KIF26B: variants seen among roughly 807,000 people sequenced by gnomAD.
KIF26B encodes kinesin family member 26B, also known as kinesin-like protein KIF26B.
Under a neutral mutation model 151.2 loss-of-function variants are expected in KIF26B, and 63 were observed. The ratio of observed to expected loss-of-function variants is 0.42; its 90% CI spans 0.34 to 0.51. KIF26B has a LOEUF of 0.51. Among genes scored for constraint, KIF26B ranks in the 20% least tolerant of loss-of-function variants. KIF26B has a pLI of 0.07. For synonymous variants in KIF26B, 1,357 were observed against 1,262.1 expected (o/e 1.08, Z -1.59); for missense variants, 2,813 against 2,913.6 (o/e 0.97, Z 0.79).
intron 4 of KIF26B, among the ~76,000 whole-genome samples, chr1:245,426,617 T>A (rs147058994): frequency 2.0e-5 from 3 of 152,330 alleles, no homozygotes; most frequent in African/African-American, 7.2e-5. Context: ...GTATGACTGA[T>A]TTGACCAGTA....
At chr1:245,284,615 T>C (rs957696155) in intron 2 of KIF26B, among the ~76,000 whole-genome samples, 19 of 152,346 alleles carry the variant, frequency 1.2e-4, no homozygotes, top group Non-Finnish European at 2.4e-4. Context: ...CTAGTTTTTG[T>C]AGAGTTCTCT....
chr1:245,658,194 C>T (rs1462929913), intron 10 of KIF26B, among the ~76,000 whole-genome samples: 1 of 152,186 alleles, frequency 6.6e-6, no homozygotes, highest in Admixed American at 6.5e-5. Context: ...TGAGATCCAT[C>T]TTGATGCGCA....
chr1:245,443,284 A>C (rs1572063842), intron 4 of KIF26B, among the ~76,000 whole-genome samples: 2 of 113,836 alleles, frequency 1.8e-5, no homozygotes, highest in African/African-American at 3.5e-5. Context: ...CTCACTGTTC[A>C]CCCTGCGGTC....
chr1:245,613,724 C>A lies in KIF26B; in HGVS notation c.2098+1748C>A, dbSNP rs1028733566. Among the ~76,000 whole-genome samples, 3 of 152,232 alleles carry A rather than the reference C, an allele frequency of 2.0e-5. No homozygotes were observed. In the South Asian group the frequency reaches 6.2e-4, roughly 31 times the overall value. On this transcript the variant is annotated intron_variant, in intron 9 of 14. Coordinates refer to ENST00000407071, the MANE Select transcript of KIF26B (RefSeq NM_018012.4). Reference sequence around the variant, plus strand: ...TCCTGGGGAGAGAGCTCTTTGCGGGCTTCTGCTGTCCCCAGGCAAAAGCGC... The same window carrying A: ...TCCTGGGGAGAGAGCTCTTTGCGGGATTCTGCTGTCCCCAGGCAAAAGCGC...
At chr1:245,515,365 C>T (rs1660937763) in intron 4 of KIF26B, among the ~76,000 whole-genome samples, 1 of 152,176 alleles carries the variant, frequency 6.6e-6, no homozygotes, top group Non-Finnish European at 1.5e-5. Flanking sequence ...GCCTTTCCCA[C>T]TCGACTGTCA....
intron 2 of KIF26B, among the ~76,000 whole-genome samples, chr1:245,359,398 A>G (rs1256949284): frequency 6.6e-6 from 1 of 152,168 alleles, no homozygotes; most frequent in Non-Finnish European, 1.5e-5. Flanking sequence ...TGGGTCTGTG[A>G]TTCAAATCGA....
intron 9 of KIF26B, among the ~76,000 whole-genome samples, chr1:245,613,468 T>G (rs542357671): frequency 4.4e-4 from 67 of 152,264 alleles, no homozygotes; most frequent in African/African-American, 1.6e-3. Context: ...CTGGGCGTGG[T>G]GGCACACACC....
chr1:245,619,070 A>G (rs535602024), intron 9 of KIF26B, among the ~76,000 whole-genome samples: 163 of 138,060 alleles, frequency 1.2e-3, no homozygotes, highest in Middle Eastern at 5.3e-3. Flanking sequence ...TCCAAGCCCT[A>G]TTAGACTATA....
Position 245,527,524 on chromosome 1 carries a change from C to CTTT in KIF26B, c.1167-13218_1167-13216dup, listed in dbSNP as rs548422038. 8.1e-4 allele frequency among the ~76,000 whole-genome samples: 41 copies of CTTT among 50,710 alleles called. 7 individuals carry two copies. Among genetic ancestry groups the CTTT allele is most frequent in the Admixed American group, 2.1e-3 (7 of 3,268 alleles). The allele number at this position is 50,710 out of a possible 152,430, so 33.3% of individuals were successfully genotyped here. The stretch of plus-strand genomic sequence containing the variant: ...TCATTTATATCTGGCTTTGGGATGG[C>CTTT]TTTTTTTTTTTTTTTTTTTTTTTTT... On this transcript the variant is annotated intron_variant, in intron 4 of 14. Coordinates refer to ENST00000407071, the MANE Select transcript of KIF26B (RefSeq NM_018012.4).
Position 245,602,538 on chromosome 1 carries a change from C to T in KIF26B, c.1351-39C>T. On this transcript the variant is annotated intron_variant, in intron 5 of 14. Transcript: ENST00000407071. This position sits in a 1 kb window ranked among gnomAD's most constrained non-coding sequence, Gnocchi z 4.5. Reference sequence around the variant, plus strand: ...GGGTGCTCCATCGTAAAACACCCAGCTGTCTTCATCCATGCTGTCGCCCAT... The same window carrying T: ...GGGTGCTCCATCGTAAAACACCCAGTTGTCTTCATCCATGCTGTCGCCCAT... 1 of 1,533,566 alleles carries T rather than the reference C, an allele frequency of 6.5e-7. No homozygotes were observed. Among genetic ancestry groups the T allele is most frequent in the South Asian group, 1.2e-5 (1 of 85,580 alleles). The allele number at this position is 1,533,566 out of a possible 1,614,324, so 95.0% of individuals were successfully genotyped here.
chr1:245,482,210 G>A (rs779397985), intron 4 of KIF26B, among the ~76,000 whole-genome samples: 1 of 151,808 alleles, frequency 6.6e-6, no homozygotes, highest in East Asian at 1.9e-4. Context: ...TCCTGCCTCA[G>A]CCTTCCTAGT....
rs1357097677 is a variant in KIF26B at position 245,698,047 on chromosome 1, A to T, written c.5825-59A>T. 6.6e-7 allele frequency: 1 copy of T among 1,513,434 alleles called. No homozygotes were observed. Among genetic ancestry groups the T allele is most frequent in the Non-Finnish European group, 8.9e-7 (1 of 1,117,390 alleles). The allele number at this position is 1,513,434 out of a possible 1,614,324, so 93.8% of individuals were successfully genotyped here. A position where few individuals can be genotyped will look rare whatever the true frequency, so the allele number is the denominator to read the frequency against. On this transcript the variant is annotated intron_variant, in intron 12 of 14. Coordinates refer to ENST00000407071, the MANE Select transcript of KIF26B (RefSeq NM_018012.4). The surrounding 1 kb of genome is among the most constrained non-coding windows in gnomAD (Gnocchi z 4.0). ...ACAGAGCAAGACCCTGTCTCAAAAA[A>T]ACAACAAAAAAATTGAAATTCAGAA...
intron 4 of KIF26B, among the ~76,000 whole-genome samples, chr1:245,521,916 A>C (rs1285299216): frequency 9.4e-6 from 1 of 106,668 alleles, no homozygotes; most frequent in African/African-American, 2.7e-5. Flanking sequence ...CCCAGGCTGG[A>C]TGGAGTGCAG....
intron 2 of KIF26B, among the ~76,000 whole-genome samples, chr1:245,364,613 T>G (rs1404943597): frequency 6.6e-6 from 1 of 151,808 alleles, no homozygotes; most frequent in African/African-American, 2.4e-5. Flanking sequence ...GTACAGATGG[T>G]GTTTCACCAT....
intron 2 of KIF26B, among the ~76,000 whole-genome samples, chr1:245,308,882 C>A (rs533544115): frequency 6.6e-6 from 1 of 152,144 alleles, no homozygotes; most frequent in African/African-American, 2.4e-5. Flanking sequence ...CCATTAGGCA[C>A]GAAGCTCGGG....
At chr1:245,321,580 G>C (rs1671887493) in intron 2 of KIF26B, among the ~76,000 whole-genome samples, 1 of 152,222 alleles carries the variant, frequency 6.6e-6, no homozygotes, top group Non-Finnish European at 1.5e-5. Flanking sequence ...AGGCTGTTTT[G>C]TAAATGATGA....
At chr1:245,442,202 T>A (rs913625645) in intron 4 of KIF26B, among the ~76,000 whole-genome samples, 1 of 152,212 alleles carries the variant, frequency 6.6e-6, no homozygotes, top group Non-Finnish European at 1.5e-5. Flanking sequence ...AGTGGCAGGC[T>A]GAAGTCCCCA....
At chr1:245,700,497 G>T (rs1361096975) in intron 14 of KIF26B, among the ~76,000 whole-genome samples, 1 of 152,100 alleles carries the variant, frequency 6.6e-6, no homozygotes, top group Non-Finnish European at 1.5e-5. Flanking sequence ...TTCAAGACCA[G>T]CCTTGACAAC....
chr1:245,666,768 C>T (rs75364448), intron 10 of KIF26B, among the ~76,000 whole-genome samples: 21 of 151,898 alleles, frequency 1.4e-4, no homozygotes, highest in Admixed American at 2.0e-4. Context: ...AAGGGTTATC[C>T]GCCCTTTTAA....
Sources: gnomAD v4.1 joint callset for allele counts (sites outside exome capture counted in the v4.1 genomes callset) on GRCh38, gnomAD v4.1.1 for gene constraint, Gnocchi (gnomAD v3.1) non-coding constraint, MANE v1.5 for transcripts, NCBI Gene and HGNC (gene_info 2026-07-23, HGNC 2026-07-21) for gene names.